The following NLGN1 variants were observed in gnomAD, a reference collection of about 807,000 sequenced individuals.
NLGN1 encodes the protein neuroligin-1.
NLGN1 carries 12 observed loss-of-function variants against 65.5 expected under a neutral mutation model. That is an observed-to-expected ratio of 0.18 (90% CI 0.12 to 0.30). The LOEUF (loss-of-function observed/expected upper bound fraction) is 0.30, where lower values mean the gene tolerates loss of function less well. NLGN1 is among the 10% of genes least tolerant of loss of function. NLGN1 has a pLI of 1.00. For synonymous variants in NLGN1, 350 were observed against 359.5 expected (o/e 0.97, Z 0.30); for missense variants, 750 against 1,007.1 (o/e 0.74, Z 3.46).
At chr3:174,148,476 C>G (rs1225428074) in intron 4 of NLGN1, among the ~76,000 whole-genome samples, 1 of 152,138 alleles carries the variant, frequency 6.6e-6, no homozygotes, top group African/African-American at 2.4e-5. Context: ...AACCCTATAG[C>G]TACACTTGCA....
intron 4 of NLGN1, among the ~76,000 whole-genome samples, chr3:174,169,169 G>A (rs976678447): frequency 1.1e-4 from 17 of 151,688 alleles, no homozygotes; most frequent in East Asian, 3.9e-4. Context: ...TCTGAATGCC[G>A]AGAGATATTG....
chr3:173,682,791 A>G (rs1764132327), intron 3 of NLGN1, among the ~76,000 whole-genome samples: 1 of 152,110 alleles, frequency 6.6e-6, no homozygotes, highest in Admixed American at 6.6e-5. Context: ...AACACCAGGC[A>G]TAAATGGGTC....
intron 3 of NLGN1, among the ~76,000 whole-genome samples, chr3:173,735,653 C>T (rs1467694824): frequency 2.6e-5 from 4 of 151,806 alleles, no homozygotes; most frequent in Non-Finnish European, 5.9e-5. Context: ...AGCAGAGTCC[C>T]TTTGGGGATG....
chr3:173,527,989 A>G (rs536704661), intron 2 of NLGN1, among the ~76,000 whole-genome samples: 1 of 152,314 alleles, frequency 6.6e-6, no homozygotes, highest in Non-Finnish European at 1.5e-5. Context: ...TTATTCCTAT[A>G]ATAGTGTTGT....
chr3:173,783,096 G>A (rs1026653448), intron 3 of NLGN1, among the ~76,000 whole-genome samples: 11 of 152,060 alleles, frequency 7.2e-5, no homozygotes, highest in African/African-American at 2.4e-4. Context: ...GGATACACAC[G>A]AAAACAAAGA....
chr3:174,180,974 G>A (rs1204525874), intron 4 of NLGN1: 1 of 152,134 alleles, frequency 6.6e-6, no homozygotes, highest in Non-Finnish European at 1.5e-5. Context: ...TGATTGGAAT[G>A]CAGAGAAATC....
chr3:174,272,742 A>G (rs950748157), intron 4 of NLGN1, among the ~76,000 whole-genome samples: 16 of 151,608 alleles, frequency 1.1e-4, no homozygotes, highest in Non-Finnish European at 1.9e-4. Flanking sequence ...GATGATAGAT[A>G]ACATACACAT....
chr3:174,002,677 T>C (rs1044342879), intron 4 of NLGN1, among the ~76,000 whole-genome samples: 1 of 152,164 alleles, frequency 6.6e-6, no homozygotes, highest in African/African-American at 2.4e-5. Context: ...TGACAAATGT[T>C]AAAAACCACA....
chr3:174,175,193 AT>A (rs1281054754), intron 4 of NLGN1, among the ~76,000 whole-genome samples: 2 of 151,532 alleles, frequency 1.3e-5, no homozygotes, highest in African/African-American at 4.8e-5. Flanking sequence ...TTCTTTGCTG[AT>A]TTTTTTTGTC....
intron 1 of NLGN1, among the ~76,000 whole-genome samples, chr3:173,422,146 T>C (rs905490226): frequency 0.012 from 1,602 of 130,312 alleles, 35 homozygotes; most frequent in African/African-American, 0.042. Context: ...ACACTATATA[T>C]ACACACACAC....
chr3:173,420,597 A>T (rs1187111823), intron 1 of NLGN1, among the ~76,000 whole-genome samples: 9 of 152,144 alleles, frequency 5.9e-5, no homozygotes. Context: ...TATACCCAGT[A>T]ATGGGATGAC....
intron 4 of NLGN1, among the ~76,000 whole-genome samples, chr3:174,146,439 ACT>A (rs1278047153): frequency 6.6e-6 from 1 of 152,212 alleles, no homozygotes; most frequent in Non-Finnish European, 1.5e-5. Flanking sequence ...ATTTATAACC[ACT>A]AATAACTGCT....
At chr3:174,265,211 G>T (rs1203095112) in intron 4 of NLGN1, among the ~76,000 whole-genome samples, 2 of 151,702 alleles carry the variant, frequency 1.3e-5, no homozygotes, top group Non-Finnish European at 2.9e-5. Flanking sequence ...GCTCCACCTA[G>T]TTCGAGCTTC....
At chr3:174,267,508 A>G (rs1263515763) in intron 4 of NLGN1, among the ~76,000 whole-genome samples, 1 of 152,104 alleles carries the variant, frequency 6.6e-6, no homozygotes, top group Non-Finnish European at 1.5e-5. Context: ...GAATCTCAAG[A>G]GTCTCTCAAA....
intron 2 of NLGN1, among the ~76,000 whole-genome samples, chr3:173,600,747 A>G (rs1204377277): frequency 1.3e-5 from 2 of 151,710 alleles, no homozygotes; most frequent in Non-Finnish European, 2.9e-5. Flanking sequence ...TTATTCCTTT[A>G]CAATGTCATA....
intron 2 of NLGN1, among the ~76,000 whole-genome samples, chr3:173,591,509 C>T (rs1250031016): frequency 6.6e-6 from 1 of 152,064 alleles, no homozygotes; most frequent in Non-Finnish European, 1.5e-5. Context: ...CAATAGTCAC[C>T]ACAGTATTTG....
intron 3 of NLGN1, among the ~76,000 whole-genome samples, chr3:173,677,678 A>T (rs1177586989): frequency 6.6e-6 from 1 of 152,078 alleles, no homozygotes; most frequent in Non-Finnish European, 1.5e-5. Flanking sequence ...GCAGATAGAT[A>T]TAGATACATA....
chr3:173,767,682 C>T (rs1778981576), intron 3 of NLGN1, among the ~76,000 whole-genome samples: 1 of 151,946 alleles, frequency 6.6e-6, no homozygotes, highest in African/African-American at 2.4e-5. Flanking sequence ...TGTATAAGTA[C>T]AGGGAACATA....
At chr3:173,589,760 C>T (rs1177526167) in intron 2 of NLGN1, among the ~76,000 whole-genome samples, 1 of 152,130 alleles carries the variant, frequency 6.6e-6, no homozygotes, top group Non-Finnish European at 1.5e-5. Flanking sequence ...TGTTTGTCAT[C>T]AGTTTTTTGT....
Sources: allele counts gnomAD v4.1 joint callset (sites outside exome capture counted in the v4.1 genomes callset), GRCh38; gene constraint gnomAD v4.1.1; transcripts MANE v1.5; gene names NCBI Gene and HGNC (gene_info 2026-07-23, HGNC 2026-07-21).